The following ARHGAP6 variants were observed in gnomAD, a reference collection of about 807,000 sequenced individuals.
ARHGAP6 encodes the protein Rho GTPase activating protein 6, also known as rho GTPase-activating protein 6.
Under a neutral mutation model 55.7 loss-of-function variants are expected in ARHGAP6, and 16 were observed. That is an observed-to-expected ratio of 0.29 (90% CI 0.19 to 0.44). ARHGAP6 has a LOEUF of 0.44. ARHGAP6 is among the 20% of genes least tolerant of loss of function. The pLI is 1.00. For synonymous variants in ARHGAP6, 382 were observed against 360.9 expected (o/e 1.06, Z -0.66); for missense variants, 698 against 808.9 (o/e 0.86, Z 1.66).
intron 1 of ARHGAP6, among the ~76,000 whole-genome samples, chrX:11,655,753 G>A (rs191837305): frequency 1.3e-4 from 15 of 112,371 alleles, no homozygotes; most frequent in Non-Finnish European, 2.8e-4. Flanking sequence ...CTTTATCTAA[G>A]TAATGGCTCA....
intron 1 of ARHGAP6, among the ~76,000 whole-genome samples, chrX:11,262,107 T>C (rs1374084630): frequency 8.9e-6 from 1 of 112,221 alleles, no homozygotes; most frequent in East Asian, 2.8e-4. Flanking sequence ...ACTATGTGTA[T>C]TTTACATGTA....
At chrX:11,564,057 T>C (rs1430558805) in intron 1 of ARHGAP6, among the ~76,000 whole-genome samples, 1 of 111,095 alleles carries the variant, frequency 9.0e-6, no homozygotes, top group Non-Finnish European at 1.9e-5. Context: ...TCACATAAGG[T>C]CTAAAAAGTG....
intron 1 of ARHGAP6, among the ~76,000 whole-genome samples, chrX:11,512,847 A>C (rs1180442588): frequency 8.9e-6 from 1 of 111,873 alleles, no homozygotes; most frequent in Admixed American, 9.5e-5. Context: ...AAGACCAGAC[A>C]GATCATCTGG....
At chrX:11,404,770 G>A (rs1198664575) in intron 1 of ARHGAP6, among the ~76,000 whole-genome samples, 4 of 111,786 alleles carry the variant, frequency 3.6e-5, no homozygotes, top group African/African-American at 1.3e-4. Flanking sequence ...AATCCTCAGC[G>A]AGCCTGGATC....
At chrX:11,358,471 TTCTTTCTTTCTTTC>T (rs1281773078) in intron 1 of ARHGAP6, among the ~76,000 whole-genome samples, 15 of 97,874 alleles carry the variant, frequency 1.5e-4, no homozygotes, top group African/African-American at 4.3e-4. Context: ...CTTTCTTTCT[TTCTTTCTTTCTTTC>T]TTTTTTTTTT....
At chrX:11,525,031 T>C (rs1032753303) in intron 1 of ARHGAP6, among the ~76,000 whole-genome samples, 1 of 111,429 alleles carries the variant, frequency 9.0e-6, no homozygotes, top group South Asian at 3.8e-4. Context: ...ATACAAGTGA[T>C]GGGGAGCTGC....
At chrX:11,635,718 T>A (rs1161446163) in intron 1 of ARHGAP6, among the ~76,000 whole-genome samples, 1 of 111,401 alleles carries the variant, frequency 9.0e-6, no homozygotes, top group Non-Finnish European at 1.9e-5. Context: ...AACCAGCATT[T>A]TTGGCACCAA....
chrX:11,489,995 G>T (rs2050551037), intron 1 of ARHGAP6, among the ~76,000 whole-genome samples: 1 of 111,384 alleles, frequency 9.0e-6, no homozygotes, highest in Non-Finnish European at 1.9e-5. Context: ...ACAGGCATCA[G>T]AAGGGCACTG....
At chrX:11,639,775 GGAGAAAAAGAGA>G (rs1295651412) in intron 1 of ARHGAP6, among the ~76,000 whole-genome samples, 1 of 110,290 alleles carries the variant, frequency 9.1e-6, no homozygotes, top group Admixed American at 9.7e-5. Context: ...ACAGAGACAT[GGAGAAAAAGAGA>G]GAGAAAGAGA....
At chrX:11,279,929 T>C (rs1290544120) in intron 1 of ARHGAP6, among the ~76,000 whole-genome samples, 1 of 111,643 alleles carries the variant, frequency 9.0e-6, no homozygotes, top group Non-Finnish European at 1.9e-5. Context: ...GGGTCTTCTA[T>C]AAGCACTAGC....
chrX:11,463,320 CTGT>C (rs1008144958), intron 1 of ARHGAP6, among the ~76,000 whole-genome samples: 4 of 111,791 alleles, frequency 3.6e-5, no homozygotes, highest in African/African-American at 9.7e-5. Flanking sequence ...TTGTGGTTTT[CTGT>C]TGTTGTTGTT....
At chrX:11,664,214 C>G (rs1241767127) in intron 1 of ARHGAP6, 27 bp downstream of exon 1, 1 of 1,171,481 alleles carries the variant, frequency 8.5e-7, no homozygotes, top group Non-Finnish European at 1.1e-6. Context: ...CTCCTTGGGC[C>G]GTGGGACGCG....
chrX:11,320,670 T>A (rs1438388431), intron 1 of ARHGAP6, among the ~76,000 whole-genome samples: 1 of 109,182 alleles, frequency 9.2e-6, no homozygotes, highest in Non-Finnish European at 1.9e-5. Flanking sequence ...TTTTATGGTA[T>A]CAGAACAGAA....
intron 1 of ARHGAP6, among the ~76,000 whole-genome samples, chrX:11,551,127 A>C (rs950747058): frequency 2.7e-5 from 3 of 112,149 alleles, no homozygotes; most frequent in Non-Finnish European, 5.6e-5. Context: ...CATGGACAAC[A>C]CAAGGGTGAC....
chrX:11,631,024 A>T lies in ARHGAP6; in HGVS notation c.588+33217T>A, dbSNP rs201155726. Among the ~76,000 whole-genome samples the T allele has an allele frequency of 4.5e-5, 5 of 110,920 alleles. No homozygotes were observed. The East Asian group carries it at 1.4e-3, about 32-fold the overall frequency. ...TTTTTTTAAAATGCTGGGACAAGGTAAATTGAAGAGAGTTGATGATTGTCT... is the reference window on the plus strand; with the variant it reads ...TTTTTTTAAAATGCTGGGACAAGGTTAATTGAAGAGAGTTGATGATTGTCT... On this transcript the variant is annotated intron_variant, in intron 1 of 12. Coordinates refer to ENST00000337414, the MANE Select transcript of ARHGAP6 (RefSeq NM_013427.3).
intron 1 of ARHGAP6, among the ~76,000 whole-genome samples, chrX:11,397,029 TGGG>T (rs1206814172): frequency 8.1e-5 from 9 of 111,440 alleles, no homozygotes; most frequent in Middle Eastern, 4.6e-3. Context: ...TTCCCATTCT[TGGG>T]AGTAGATGGT....
intron 1 of ARHGAP6, among the ~76,000 whole-genome samples, chrX:11,578,666 G>T (rs1262822443): frequency 2.7e-5 from 3 of 111,563 alleles, no homozygotes; most frequent in Non-Finnish European, 3.8e-5. Context: ...TTAACCCAGT[G>T]ATCCCATTAC....
At chrX:11,354,327 C>CTCTCTCTA (rs1343744315) in intron 1 of ARHGAP6, among the ~76,000 whole-genome samples, 181 of 32,340 alleles carry the variant, frequency 5.6e-3, no homozygotes, top group Non-Finnish European at 8.3e-3. Context: ...CTCTCTCTCT[C>CTCTCTCTA]TATATATATA....
At chrX:11,529,551 T>C (rs2051026671) in intron 1 of ARHGAP6, among the ~76,000 whole-genome samples, 1 of 111,805 alleles carries the variant, frequency 8.9e-6, no homozygotes, top group Admixed American at 9.5e-5. Flanking sequence ...CTGCAAGGAC[T>C]ATCTAAGAAT....
Sources: allele counts gnomAD v4.1 joint callset (sites outside exome capture counted in the v4.1 genomes callset), GRCh38; gene constraint gnomAD v4.1.1; transcripts MANE v1.5; gene names NCBI Gene and HGNC (gene_info 2026-07-23, HGNC 2026-07-21).